MPHOSPH6: variants seen among roughly 807,000 people sequenced by gnomAD.
MPHOSPH6 encodes the protein M-phase phosphoprotein 6.
In MPHOSPH6, 25 loss-of-function variants were observed where a neutral mutation model predicts 21.8. The observed-to-expected ratio is 1.15, with a 90% confidence interval of 0.83 to 1.60. MPHOSPH6 has a LOEUF of 1.60. Among genes scored for constraint, MPHOSPH6 ranks in the 40% most tolerant of loss-of-function variants. The pLI, the probability that MPHOSPH6 is intolerant of heterozygous loss-of-function variation, is 0.00. For missense variants in MPHOSPH6, 269 were observed against 181.8 expected (o/e 1.48, Z -2.76); for synonymous variants, 84 against 56.5 (o/e 1.49, Z -2.18).
chr16:82,160,855 A>T (rs1597163364), intron 2 of MPHOSPH6, among the ~76,000 whole-genome samples: 1 of 152,318 alleles, frequency 6.6e-6, no homozygotes, highest in East Asian at 1.9e-4. Flanking sequence ...CACTGGAGGA[A>T]TCTGAAAAAT....
At chr16:82,160,997 G>A (rs945246987) in intron 2 of MPHOSPH6, among the ~76,000 whole-genome samples, 3 of 152,082 alleles carry the variant, frequency 2.0e-5, no homozygotes, top group Non-Finnish European at 4.4e-5. Flanking sequence ...AGAGGAATCT[G>A]AACAAAAGAC....
chr16:82,151,593 T>A (rs566564675), intron 2 of MPHOSPH6, 79 bp from the exon 3 acceptor site: 15 of 1,458,526 alleles, frequency 1.0e-5, no homozygotes, highest in Admixed American at 5.0e-5. Context: ...ATAAAAAAAA[T>A]AATCAACCTA....
chr16:82,151,584 T>C (rs997954627), intron 2 of MPHOSPH6, 70 bp from the exon 3 acceptor site: 2 of 1,468,856 alleles, frequency 1.4e-6, no homozygotes, highest in Admixed American at 2.5e-5. Context: ...ACACTTTGAA[T>C]AAAAAAAATA....
chr16:82,159,276 G>C (rs1463245750), intron 2 of MPHOSPH6, among the ~76,000 whole-genome samples: 1 of 152,110 alleles, frequency 6.6e-6, no homozygotes, highest in Non-Finnish European at 1.5e-5. Context: ...TAAATTTTTT[G>C]TCTTGAAAAA....
At chr16:82,164,232 C>T (rs750877592) in intron 1 of MPHOSPH6, 38 bp from the exon 2 acceptor site, 14 of 1,416,016 alleles carry the variant, frequency 9.9e-6, no homozygotes, top group Non-Finnish European at 1.4e-5. Context: ...GAAACTTTTC[C>T]CATTTTAGAA....
At chr16:82,151,566 A>G (rs901837739) in intron 2 of MPHOSPH6, 52 bp from the exon 3 acceptor site, 2 of 1,510,034 alleles carry the variant, frequency 1.3e-6, no homozygotes, top group South Asian at 1.4e-5. Flanking sequence ...CACAGCAAAC[A>G]AAAGCCAACA....
chr16:82,159,062 C>G (rs73591453), intron 2 of MPHOSPH6, among the ~76,000 whole-genome samples: 10,373 of 152,234 alleles, frequency 0.068, 652 homozygotes, highest in African/African-American at 0.16. Context: ...TGGAGTTGTA[C>G]CAAAGAATTA....
At chr16:82,169,969 T>C (rs929411945) in intron 1 of MPHOSPH6, 156 bp downstream of exon 1, 5 of 873,234 alleles carry the variant, frequency 5.7e-6, no homozygotes, top group Non-Finnish European at 6.7e-6. Context: ...CAGTAAACAG[T>C]GCAGAGCAGG....
chr16:82,150,578 C>G (rs1462240238), intron 3 of MPHOSPH6, among the ~76,000 whole-genome samples: 1 of 152,208 alleles, frequency 6.6e-6, no homozygotes, highest in Non-Finnish European at 1.5e-5. Context: ...ATGATTTTCC[C>G]CACCAGGGAA....
chr16:82,165,127 TTTTTTA>T lies in MPHOSPH6; in HGVS notation c.52-939_52-934del, dbSNP rs1405148336. Among the ~76,000 whole-genome samples, 63 of 88,042 alleles carry T rather than the reference TTTTTTA, an allele frequency of 7.2e-4. 8 individuals are homozygous for T. Among genetic ancestry groups the T allele is most frequent in the South Asian group, 2.0e-3 (5 of 2,554 alleles). The allele number at this position is 88,042 out of a possible 152,430, so 57.8% of individuals were successfully genotyped here. A position where few individuals can be genotyped will look rare whatever the true frequency, so the allele number is the denominator to read the frequency against. ...GGTCCGATATTTCTTTTTTATTTTTTTTTTTATTTTTTTTTTTTGAGACAGAGTCTC... is the reference window on the plus strand; with the variant it reads ...GGTCCGATATTTCTTTTTTATTTTTTTTTTTTTTTTTTGAGACAGAGTCTC... On this transcript the variant is annotated intron_variant, in intron 1 of 4. Coordinates refer to ENST00000258169, the MANE Select transcript of MPHOSPH6 (RefSeq NM_005792.2).
chr16:82,155,102 T>A (rs1220230830), intron 2 of MPHOSPH6, among the ~76,000 whole-genome samples: 1 of 152,210 alleles, frequency 6.6e-6, no homozygotes, highest in Non-Finnish European at 1.5e-5. Flanking sequence ...ATAAAAATCA[T>A]GATCTTCTCA....
At position 82,167,250 on chromosome 16, in the gene MPHOSPH6, T is replaced by C. The variant is rs539392030; in HGVS notation, c.51+2875A>G. ...CCATTCCATACTGGAAGACCTTCCATCCACATCCTTCTTTTTCTTCTTCCC... is the reference window on the plus strand; with the variant it reads ...CCATTCCATACTGGAAGACCTTCCACCCACATCCTTCTTTTTCTTCTTCCC... On this transcript the variant is annotated intron_variant, in intron 1 of 4. Transcript: ENST00000258169. Among the ~76,000 whole-genome samples, 9 of 152,318 alleles carry C rather than the reference T, an allele frequency of 5.9e-5. 1 individual carries two copies. The highest frequency in any genetic ancestry group is 5.2e-4 in the Admixed American group (8 of 15,304).
intron 4 of MPHOSPH6, 96 bp downstream of exon 4, chr16:82,149,213 T>C (rs1906183602): frequency 7.7e-7 from 1 of 1,303,538 alleles, no homozygotes; most frequent in African/African-American, 1.5e-5. Flanking sequence ...GGGACTCCCT[T>C]GAAAGCTGCC....
chr16:82,149,355 C>T lies in MPHOSPH6; in HGVS notation c.304G>A (p.Asp102Asn). 6.2e-7 allele frequency: 1 copy of T among 1,613,168 alleles called. No individual in the cohort carries two copies. The change falls in exon 4 of 5, where the codon GAT (aspartate) becomes AAT (asparagine). Residue 102 changes from aspartate to asparagine, a missense_variant. Transcript: ENST00000258169. ...GACACATCAAGCTCTACTGTTTCAT[C>T]TTCAACTTCTTCTGCTTTGTGCTTA... ...NAKHKAEEVE[D>N]ETVELDVSDE...
chr16:82,164,471 C>G (rs1259157003), intron 1 of MPHOSPH6, among the ~76,000 whole-genome samples: 1 of 152,252 alleles, frequency 6.6e-6, no homozygotes, highest in Non-Finnish European at 1.5e-5. Flanking sequence ...CTTGTGCTCA[C>G]CCACAGAGCC....
chr16:82,160,686 G>A (rs1413662955), intron 2 of MPHOSPH6, among the ~76,000 whole-genome samples: 1 of 152,084 alleles, frequency 6.6e-6, no homozygotes, highest in African/African-American at 2.4e-5. Flanking sequence ...GCATCCACCT[G>A]GGCCACTTCA....
At chr16:82,156,333 T>C (rs1567613245) in intron 2 of MPHOSPH6, among the ~76,000 whole-genome samples, 1 of 152,188 alleles carries the variant, frequency 6.6e-6, no homozygotes, top group African/African-American at 2.4e-5. Context: ...GAAAGAAATA[T>C]ACTGATGTCT....
chr16:82,170,193 G>T lies in MPHOSPH6; in HGVS notation c.-18C>A. 6.4e-7 allele frequency: 1 copy of T among 1,568,288 alleles called. No individual in the cohort carries two copies. The highest frequency in any genetic ancestry group is 2.5e-5 in the East Asian group (1 of 39,962). The stretch of plus-strand genomic sequence containing the variant: ...GCCGCCATGGTAGCTTCCGCCCAGC[G>T]CCGCACTCCGGCCGCGAGCCTCACC... On this transcript the variant is annotated 5_prime_UTR_variant, in exon 1 of 5. Coordinates refer to ENST00000258169, the MANE Select transcript of MPHOSPH6 (RefSeq NM_005792.2).
At position 82,170,168 on chromosome 16, in the gene MPHOSPH6, G is replaced by A. The variant is rs745458770; in HGVS notation, c.8C>T (p.Ala3Val). Residue 3 changes from alanine (A) to valine (V), a missense_variant, in exon 1 of 5, where the codon GCC becomes GTC. Transcript: ENST00000258169. The stretch of plus-strand genomic sequence containing the variant: ...CTTGGACAACCTTGTCTTTCGCTCG[G>A]CCGCCATGGTAGCTTCCGCCCAGCG... MA[A>V]ERKTRLSKNL... 5.0e-6 allele frequency: 8 copies of A among 1,590,734 alleles called. No individual in the cohort carries two copies. The East Asian group carries it at 1.4e-4, about 28-fold the overall frequency.
Sources: gnomAD v4.1 joint callset for allele counts (sites outside exome capture counted in the v4.1 genomes callset) on GRCh38, gnomAD v4.1.1 for gene constraint, MANE v1.5 for transcripts, NCBI Gene and HGNC (gene_info 2026-07-23, HGNC 2026-07-21) for gene names.